Variants in KLRG1 observed in about 807,000 individuals in gnomAD.
The protein encoded by KLRG1 is killer cell lectin-like receptor subfamily G member 1.
Under a neutral mutation model 21.8 loss-of-function variants are expected in KLRG1, and 16 were observed. The observed-to-expected ratio is 0.73, with a 90% CI of 0.50 to 1.11. The LOEUF is 1.11. Among genes scored for constraint, KLRG1 ranks in the 50% most tolerant of loss-of-function variants. KLRG1 has a pLI of 0.00. For synonymous variants in KLRG1, 69 were observed against 75.9 expected (o/e 0.91, Z 0.47); for missense variants, 173 against 218.3 (o/e 0.79, Z 1.31).
At chr12:9,035,592 TAAAA>T in the KLRG1 span, among the ~76,000 whole-genome samples, 1 of 107,930 alleles carries the variant, frequency 9.3e-6, no homozygotes, top group African/African-American at 3.4e-5. Context: ...GAACTTAAAG[TAAAA>T]AAAAAAAAAA....
At chr12:9,212,933 A>G in the KLRG1 span, among the ~76,000 whole-genome samples, 2 of 152,172 alleles carry the variant, frequency 1.3e-5, no homozygotes, top group African/African-American at 2.4e-5. Context: ...GAAACTACAT[A>G]CATGTTAGTA....
chr12:9,060,074 G>A, the KLRG1 span, among the ~76,000 whole-genome samples: 11 of 134,054 alleles, frequency 8.2e-5, no homozygotes, highest in Admixed American at 7.0e-4. Context: ...GCGTGATCTC[G>A]GCTCACTGCA....
the KLRG1 span, chr12:9,194,101 G>A: frequency 6.2e-7 from 1 of 1,613,628 alleles, no homozygotes; most frequent in African/African-American, 1.3e-5. Context: ...TATTAACCGA[G>A]ATACTGGTAG....
chr12:9,101,120 T>C, the KLRG1 span: 1 of 1,553,380 alleles, frequency 6.4e-7, no homozygotes, highest in African/African-American at 1.4e-5. Context: ...GGGGCAGCAA[T>C]GCAGAGATGA....
chr12:8,994,969 C>G (rs923225549), intron 2 of KLRG1, 150 bp from the exon 3 acceptor site: 3 of 585,354 alleles, frequency 5.1e-6, no homozygotes, highest in African/African-American at 3.8e-5. Context: ...CAAATTGACA[C>G]CACGCATTGT....
At chr12:9,017,125 G>C in the KLRG1 span, among the ~76,000 whole-genome samples, 2 of 151,486 alleles carry the variant, frequency 1.3e-5, no homozygotes, top group East Asian at 1.9e-4. Context: ...TTAGCCAGGC[G>C]TGGTGGTGGG....
At chr12:8,971,202 C>G (rs1044651116) in intron 1 of KLRG1, 4 of 151,830 alleles carry the variant, frequency 2.6e-5, no homozygotes, top group Non-Finnish European at 4.4e-5. Context: ...ATTGAAGTCA[C>G]CTGAGCACGA....
chr12:9,131,162 G>A, the KLRG1 span, among the ~76,000 whole-genome samples: 1 of 152,038 alleles, frequency 6.6e-6, no homozygotes, highest in Non-Finnish European at 1.5e-5. Flanking sequence ...TTATGCCAGT[G>A]CCACACTGCT....
the KLRG1 span, among the ~76,000 whole-genome samples, chr12:9,038,710 C>T: frequency 6.6e-6 from 1 of 152,042 alleles, no homozygotes; most frequent in Non-Finnish European, 1.5e-5. Flanking sequence ...CACTCCCCCA[C>T]TGCTGGTTTG....
At chr12:9,204,305 G>A in the KLRG1 span, among the ~76,000 whole-genome samples, 3 of 151,872 alleles carry the variant, frequency 2.0e-5, no homozygotes, top group African/African-American at 7.3e-5. Flanking sequence ...AAAAGTGCAC[G>A]CACACAAACA....
At chr12:9,099,286 C>G in the KLRG1 span, 1 of 1,193,716 alleles carries the variant, frequency 8.4e-7, no homozygotes, top group Non-Finnish European at 1.2e-6. Context: ...TTTGTTTAAC[C>G]CTTTTGGCCC....
intron 1 of KLRG1, among the ~76,000 whole-genome samples, chr12:8,978,490 A>G (rs929285536): frequency 4.6e-5 from 7 of 152,026 alleles, no homozygotes; most frequent in African/African-American, 1.7e-4. Flanking sequence ...CTTCATTTTT[A>G]AACAATAATT....
chr12:8,956,604 TC>T (rs913685664), intron 1 of KLRG1, among the ~76,000 whole-genome samples: 2 of 152,048 alleles, frequency 1.3e-5, no homozygotes, highest in Non-Finnish European at 2.9e-5. Context: ...TGCCACGACT[TC>T]CGGCTAATTT....
chr12:9,052,838 C>G, the KLRG1 span: 1 of 455,078 alleles, frequency 2.2e-6, no homozygotes. Flanking sequence ...ATAAAATTAC[C>G]TAATACCAGA....
intron 1 of KLRG1, among the ~76,000 whole-genome samples, chr12:8,961,600 T>A (rs1032975180): frequency 5.4e-5 from 8 of 147,508 alleles, no homozygotes; most frequent in Non-Finnish European, 1.1e-4. Context: ...TTTTTTTTTT[T>A]AGTAGAGACA....
At chr12:9,191,548 T>C in the KLRG1 span, among the ~76,000 whole-genome samples, 14 of 152,202 alleles carry the variant, frequency 9.2e-5, no homozygotes, top group Admixed American at 8.5e-4. Flanking sequence ...ACTACATAAA[T>C]AGAAAATATT....
the KLRG1 span, chr12:9,079,163 G>T: frequency 2.8e-6 from 3 of 1,059,220 alleles, no homozygotes; most frequent in East Asian, 7.1e-5. Context: ...ATCTGATAGT[G>T]TTGCTGTGAA....
chr12:9,204,696 C>A, the KLRG1 span, among the ~76,000 whole-genome samples: 4 of 152,048 alleles, frequency 2.6e-5, no homozygotes, highest in Non-Finnish European at 4.4e-5. Context: ...TGCTCAATTT[C>A]TTGAGGCAAT....
intron 1 of KLRG1, among the ~76,000 whole-genome samples, chr12:8,956,966 A>G (rs1036561856): frequency 6.6e-6 from 1 of 152,162 alleles, no homozygotes; most frequent in Non-Finnish European, 1.5e-5. Flanking sequence ...ACCGCTAGCC[A>G]AGAGCCAAGC....
Sources: allele counts gnomAD v4.1 joint callset (sites outside exome capture counted in the v4.1 genomes callset), GRCh38; gene constraint gnomAD v4.1.1; transcripts MANE v1.5; gene names NCBI Gene and HGNC (gene_info 2026-07-23, HGNC 2026-07-21).